The following DPP10 variants were observed in gnomAD, a reference collection of about 807,000 sequenced individuals.
The protein encoded by DPP10 is inactive dipeptidyl peptidase 10.
In DPP10, 33 loss-of-function variants were observed where a neutral mutation model predicts 120.9. The ratio of observed to expected loss-of-function variants is 0.27; its 90% confidence interval spans 0.21 to 0.37. The LOEUF (loss-of-function observed/expected upper bound fraction) is 0.37. DPP10 is among the 10% of genes least tolerant of loss of function. The pLI, the probability that DPP10 is intolerant of heterozygous loss-of-function variation, is 1.00. For missense variants in DPP10, 816 were observed against 942.8 expected, an observed-to-expected ratio of 0.87 and a Z score of 1.76; for synonymous variants, 337 against 326.1, an observed-to-expected ratio of 1.03 and a Z score of -0.36.
At chr2:114,999,821 A>G (rs1191063842) in intron 1 of DPP10, among the ~76,000 whole-genome samples, 2 of 152,148 alleles carry the variant, frequency 1.3e-5, no homozygotes, top group African/African-American at 4.8e-5. Context: ...TGTGTCTCCT[A>G]TCAACTTGAT....
chr2:115,590,789 G>T (rs1373953389), intron 5 of DPP10, among the ~76,000 whole-genome samples: 2 of 152,202 alleles, frequency 1.3e-5, no homozygotes, highest in East Asian at 3.9e-4. Context: ...CACCAGCAGT[G>T]TAAAAGTGTT....
At chr2:115,278,935 T>G (rs920272448) in intron 1 of DPP10, among the ~76,000 whole-genome samples, 1 of 152,182 alleles carries the variant, frequency 6.6e-6, no homozygotes, top group African/African-American at 2.4e-5. Context: ...ATTCAATGTC[T>G]TTTAGCTTTT....
intron 7 of DPP10, among the ~76,000 whole-genome samples, chr2:115,717,813 T>C: frequency 6.6e-6 from 1 of 152,146 alleles, no homozygotes; most frequent in East Asian, 1.9e-4. Flanking sequence ...GCTGTTGCTC[T>C]TGCGAATAAT....
intron 1 of DPP10, among the ~76,000 whole-genome samples, chr2:114,696,142 T>C (rs1290306203): frequency 6.6e-6 from 1 of 152,106 alleles, no homozygotes; most frequent in African/African-American, 2.4e-5. Flanking sequence ...ACAGTATGGC[T>C]GTGCTTTCAT....
At chr2:114,459,347 C>A (rs1009331487) in intron 1 of DPP10, among the ~76,000 whole-genome samples, 5 of 152,176 alleles carry the variant, frequency 3.3e-5, no homozygotes, top group Non-Finnish European at 5.9e-5. Flanking sequence ...GTACTACCTT[C>A]ATCACTGATT....
intron 3 of DPP10, among the ~76,000 whole-genome samples, chr2:115,433,571 G>A (rs1233436799): frequency 6.6e-6 from 1 of 151,234 alleles, no homozygotes; most frequent in African/African-American, 2.4e-5. Flanking sequence ...GTGTGACACA[G>A]TTTTTTTTTC....
At chr2:115,740,287 TA>T (rs902156711) in intron 9 of DPP10, among the ~76,000 whole-genome samples, 3 of 151,464 alleles carry the variant, frequency 2.0e-5, no homozygotes, top group African/African-American at 7.3e-5. Flanking sequence ...TGGAAGTTCT[TA>T]AAAAAAAATC....
chr2:115,786,628 T>A (rs1683376946), intron 17 of DPP10, among the ~76,000 whole-genome samples: 1 of 152,038 alleles, frequency 6.6e-6, no homozygotes, highest in Non-Finnish European at 1.5e-5. Flanking sequence ...GTACAATTAG[T>A]GTTGTAAGTT....
At chr2:114,609,652 T>C (rs898612327) in intron 1 of DPP10, among the ~76,000 whole-genome samples, 2 of 152,182 alleles carry the variant, frequency 1.3e-5, no homozygotes, top group African/African-American at 4.8e-5. Context: ...ATCTGAGATG[T>C]GATAGGGAGG....
intron 1 of DPP10, among the ~76,000 whole-genome samples, chr2:115,053,383 G>A (rs780484593): frequency 3.5e-4 from 54 of 152,276 alleles, no homozygotes; most frequent in Non-Finnish European, 7.1e-4. Flanking sequence ...CATATTGTAC[G>A]ATTCCATTAT....
At chr2:115,787,734 G>T (rs1683500323) in intron 17 of DPP10, among the ~76,000 whole-genome samples, 1 of 152,028 alleles carries the variant, frequency 6.6e-6, no homozygotes, top group Non-Finnish European at 1.5e-5. Context: ...AACGGAAGCA[G>T]GATAAATGTC....
intron 3 of DPP10, among the ~76,000 whole-genome samples, chr2:115,403,858 TA>T (rs1254627749): frequency 3.9e-5 from 6 of 152,236 alleles, no homozygotes; most frequent in South Asian, 2.1e-4. Flanking sequence ...AAAGACATCA[TA>T]AAAAAACTAT....
intron 1 of DPP10, among the ~76,000 whole-genome samples, chr2:114,614,108 A>G (rs1243444352): frequency 6.6e-6 from 1 of 152,176 alleles, no homozygotes; most frequent in South Asian, 2.1e-4. Context: ...CACATTCTGC[A>G]TATGTATCCC....
chr2:114,862,919 CTTCTT>C (rs1689939305), intron 1 of DPP10, among the ~76,000 whole-genome samples: 1 of 128,930 alleles, frequency 7.8e-6, no homozygotes, highest in African/African-American at 2.8e-5. Context: ...AAAAACCCCT[CTTCTT>C]TTATTTTATG....
chr2:115,212,459 C>G (rs1404075569), intron 1 of DPP10, among the ~76,000 whole-genome samples: 2 of 152,076 alleles, frequency 1.3e-5, no homozygotes, highest in Non-Finnish European at 2.9e-5. Context: ...TTCTTTAATT[C>G]AGTGTAAACT....
intron 1 of DPP10, among the ~76,000 whole-genome samples, chr2:115,096,856 TGATA>T (rs1411237310): frequency 6.6e-6 from 1 of 152,182 alleles, no homozygotes; most frequent in African/African-American, 2.4e-5. Flanking sequence ...GTCTCAGATG[TGATA>T]GATACACAGT....
intron 1 of DPP10, among the ~76,000 whole-genome samples, chr2:114,805,851 C>T (rs1684675641): frequency 6.6e-6 from 1 of 151,224 alleles, no homozygotes; most frequent in African/African-American, 2.5e-5. Context: ...ACTTATTGGC[C>T]ATAATTATCA....
intron 3 of DPP10, among the ~76,000 whole-genome samples, chr2:115,389,610 G>T (rs897827947): frequency 1.3e-5 from 2 of 152,080 alleles, no homozygotes; most frequent in Non-Finnish European, 2.9e-5. Flanking sequence ...GTCACCCAAA[G>T]AATTTTAAGT....
chr2:115,799,896 C>G (rs1336612490), intron 19 of DPP10, among the ~76,000 whole-genome samples: 1 of 151,666 alleles, frequency 6.6e-6, no homozygotes, highest in Non-Finnish European at 1.5e-5. Flanking sequence ...TATGAACATA[C>G]GTGTGCATGT....
Sources: allele counts gnomAD v4.1 joint callset (sites outside exome capture counted in the v4.1 genomes callset), GRCh38; gene constraint gnomAD v4.1.1; transcripts MANE v1.5; gene names NCBI Gene and HGNC (gene_info 2026-07-23, HGNC 2026-07-21).